Variants in KCNMB2 observed in about 807,000 individuals in gnomAD.
The protein encoded by KCNMB2 is potassium calcium-activated channel subfamily M regulatory beta subunit 2.
KCNMB2 carries 9 observed loss-of-function variants against 24.5 expected under a neutral mutation model. The observed-to-expected ratio is 0.37, with a 90% CI of 0.22 to 0.64. The LOEUF is 0.64. Ranked by LOEUF, KCNMB2 falls within the 30% of genes least tolerant of loss-of-function variation. The probability of loss-of-function intolerance (pLI) is 0.63; values close to 1 mark genes in which losing one functional copy is unlikely to be tolerated. For missense variants in KCNMB2, 226 were observed against 284.3 expected (o/e 0.79, Z 1.47); for synonymous variants, 109 against 104.4 (o/e 1.04, Z -0.27).
chr3:178,798,761 T>C (rs757715064), intron 1 of KCNMB2, among the ~76,000 whole-genome samples: 2 of 151,754 alleles, frequency 1.3e-5, no homozygotes, highest in Admixed American at 6.6e-5. Flanking sequence ...TTGGGAAAAA[T>C]AGATAATGCA....
At chr3:178,561,267 G>C (rs1716305394) in intron 1 of KCNMB2, among the ~76,000 whole-genome samples, 1 of 152,184 alleles carries the variant, frequency 6.6e-6, no homozygotes, top group African/African-American at 2.4e-5. Flanking sequence ...TACAGCAACA[G>C]TTTAACAGGA....
intron 1 of KCNMB2, among the ~76,000 whole-genome samples, chr3:178,757,312 C>A (rs56854350): frequency 4.9e-5 from 4 of 81,342 alleles, no homozygotes; most frequent in Non-Finnish European, 7.5e-5. Context: ...ATATATCCAT[C>A]CAAGAGGACA....
chr3:178,738,116 G>A (rs1299516998), intron 1 of KCNMB2, among the ~76,000 whole-genome samples: 3 of 151,896 alleles, frequency 2.0e-5, no homozygotes, highest in African/African-American at 7.3e-5. Flanking sequence ...CTTTCCTCCA[G>A]AACTCCTCCC....
At chr3:178,815,874 A>G (rs1422388477) in intron 2 of KCNMB2, among the ~76,000 whole-genome samples, 1 of 152,024 alleles carries the variant, frequency 6.6e-6, no homozygotes, top group African/African-American at 2.4e-5. Context: ...TCCTGGGATA[A>G]CCACAGCTTG....
At chr3:178,820,267 C>A (rs565969100) in intron 2 of KCNMB2, among the ~76,000 whole-genome samples, 80 of 152,302 alleles carry the variant, frequency 5.3e-4, no homozygotes, top group African/African-American at 1.7e-3. Context: ...TGGCCCTTGG[C>A]GTATCAGTTT....
At chr3:178,755,007 G>C (rs1723982135) in intron 1 of KCNMB2, among the ~76,000 whole-genome samples, 1 of 152,250 alleles carries the variant, frequency 6.6e-6, no homozygotes, top group African/African-American at 2.4e-5. Context: ...TCAGTGCAGA[G>C]CAGATGGACC....
intron 1 of KCNMB2, among the ~76,000 whole-genome samples, chr3:178,779,060 TGATGAATCCCACTGTACCAAG>T (rs1456778342): frequency 6.6e-6 from 1 of 152,166 alleles, no homozygotes; most frequent in South Asian, 2.1e-4. Flanking sequence ...GAATGTGCAG[TGATGAATCCCACTGTACCAAG>T]GACCAACTCC....
intron 1 of KCNMB2, among the ~76,000 whole-genome samples, chr3:178,680,140 T>A (rs1721216758): frequency 6.6e-6 from 1 of 152,140 alleles, no homozygotes; most frequent in Non-Finnish European, 1.5e-5. Context: ...GCTCCCCACT[T>A]TCTTTTCTTC....
rs192896439 is a variant in KCNMB2 at position 178,608,323 on chromosome 3, T to C, written c.-68+71612T>C. Among the ~76,000 whole-genome samples, 267 of 152,346 alleles carry C rather than the reference T, an allele frequency of 1.8e-3. 2 individuals carry two copies. Among genetic ancestry groups the C allele is most frequent in the African/African-American group, 6.3e-3 (261 of 41,586 alleles). ...TTAAAATTGAAGTGCTCAAATTGGC[T>C]CTGAATTCTCTCATTAAAACTGTCC... On this transcript the variant is annotated intron_variant, in intron 1 of 4. Coordinates refer to ENST00000452583, the MANE Select transcript of KCNMB2 (RefSeq NM_181361.3).
chr3:178,736,534 C>T (rs1449285126), intron 1 of KCNMB2, among the ~76,000 whole-genome samples: 1 of 152,184 alleles, frequency 6.6e-6, no homozygotes, highest in East Asian at 1.9e-4. Context: ...CCTGACACAG[C>T]GCCAGGGGCA....
chr3:178,551,188 G>A (rs1715940721), intron 1 of KCNMB2, among the ~76,000 whole-genome samples: 1 of 152,164 alleles, frequency 6.6e-6, no homozygotes, highest in African/African-American at 2.4e-5. Flanking sequence ...CAGTACAGAT[G>A]CTTTTTCTTC....
At chr3:178,570,728 A>C (rs1026622318) in intron 1 of KCNMB2, among the ~76,000 whole-genome samples, 2 of 152,116 alleles carry the variant, frequency 1.3e-5, no homozygotes, top group African/African-American at 4.8e-5. Context: ...AAACCTTACA[A>C]AGAAATGACT....
intron 1 of KCNMB2, among the ~76,000 whole-genome samples, chr3:178,695,813 C>T (rs1342419215): frequency 6.6e-6 from 1 of 152,164 alleles, no homozygotes; most frequent in Non-Finnish European, 1.5e-5. Flanking sequence ...CTAGGGAGTT[C>T]CAAACTTTCC....
intron 1 of KCNMB2, among the ~76,000 whole-genome samples, chr3:178,580,747 T>G (rs1717166642): frequency 6.6e-6 from 1 of 152,134 alleles, no homozygotes; most frequent in African/African-American, 2.4e-5. Flanking sequence ...AGCCAAATCA[T>G]GAGTGAACTC....
At chr3:178,557,884 G>A (rs1350472144) in intron 1 of KCNMB2, among the ~76,000 whole-genome samples, 1 of 152,162 alleles carries the variant, frequency 6.6e-6, no homozygotes, top group African/African-American at 2.4e-5. Flanking sequence ...CAAACAGCAA[G>A]TTAGCAACAC....
Position 178,719,761 on chromosome 3 carries a change from T to C in KCNMB2, c.-67-87582T>C, listed in dbSNP as rs147530294. ...CATACAGTAAAATTGACTCTTTTTTTGGTGTTTGATTCTGTACATTTTAAT... is the reference window on the plus strand; with the variant it reads ...CATACAGTAAAATTGACTCTTTTTTCGGTGTTTGATTCTGTACATTTTAAT... On this transcript the variant is annotated intron_variant, in intron 1 of 4. Transcript: ENST00000452583. Among the ~76,000 whole-genome samples, 163 of 152,320 alleles carry C rather than the reference T, an allele frequency of 1.1e-3. 1 individual carries two copies. The highest frequency in any genetic ancestry group is 3.7e-3 in the African/African-American group (152 of 41,568).
intron 1 of KCNMB2, among the ~76,000 whole-genome samples, chr3:178,609,956 T>C (rs575076550): frequency 6.6e-6 from 1 of 152,286 alleles, no homozygotes; most frequent in East Asian, 1.9e-4. Context: ...TTTTTCTGTA[T>C]GGTAAGAGAC....
rs548405188 is a variant in KCNMB2, at chr3:178,631,425, T to C, written c.-68+94714T>C. Among the ~76,000 whole-genome samples the C allele has an allele frequency of 3.3e-5, 5 of 152,290 alleles. No individual in the cohort carries two copies. In the South Asian group the frequency reaches 1.0e-3, roughly 32 times the overall value. On this transcript the variant is annotated intron_variant, in intron 1 of 4. Coordinates refer to ENST00000452583, the MANE Select transcript of KCNMB2 (RefSeq NM_181361.3). ...CCACATAGCTATTAATAAAAGGACA[T>C]GAATGCATTTTACCCCACAATCCAA...
chr3:178,772,058 T>G (rs141368834), intron 1 of KCNMB2, among the ~76,000 whole-genome samples: 14 of 152,296 alleles, frequency 9.2e-5, no homozygotes, highest in African/African-American at 3.4e-4. Context: ...CATCAAAATG[T>G]TGGTTTATTA....
Sources: allele counts gnomAD v4.1 joint callset (sites outside exome capture counted in the v4.1 genomes callset), GRCh38; gene constraint gnomAD v4.1.1; transcripts MANE v1.5; gene names NCBI Gene and HGNC (gene_info 2026-07-23, HGNC 2026-07-21).